Variants in ANTXR2 observed in about 807,000 individuals in gnomAD.
ANTXR2 encodes anthrax toxin receptor 2.
Under a neutral mutation model 73.7 loss-of-function variants are expected in ANTXR2, and 44 were observed. The ratio of observed to expected loss-of-function variants is 0.60; its 90% CI spans 0.47 to 0.77. The LOEUF (loss-of-function observed/expected upper bound fraction) is 0.77, where lower values mean the gene tolerates loss of function less well. Among genes scored for constraint, ANTXR2 ranks in the 30% least tolerant of loss-of-function variants. The pLI is 0.00. For synonymous variants in ANTXR2, 217 were observed against 205.9 expected (o/e 1.05, Z -0.46); for missense variants, 604 against 592.5 (o/e 1.02, Z -0.20).
chr4:79,930,195 A>C (rs1049201832), intron 16 of ANTXR2, among the ~76,000 whole-genome samples: 6 of 152,194 alleles, frequency 3.9e-5, no homozygotes, highest in Admixed American at 3.3e-4. Context: ...TGAAAACAGA[A>C]AAAAGCCTAC....
At chr4:80,037,430 T>G (rs1402888800) in intron 7 of ANTXR2, among the ~76,000 whole-genome samples, 2 of 152,204 alleles carry the variant, frequency 1.3e-5, no homozygotes. Flanking sequence ...TTAAGATAAC[T>G]TTCCAATAAA....
At chr4:79,935,284 G>A (rs1028863423) in intron 16 of ANTXR2, among the ~76,000 whole-genome samples, 1 of 151,358 alleles carries the variant, frequency 6.6e-6, no homozygotes, top group African/African-American at 2.4e-5. Flanking sequence ...CCTCCAGGCT[G>A]GATTTCAGCA....
intron 11 of ANTXR2, among the ~76,000 whole-genome samples, chr4:80,011,353 T>C (rs1731578665): frequency 6.6e-6 from 1 of 152,062 alleles, no homozygotes. Flanking sequence ...TGTCTGTCTA[T>C]CATCTATCTA....
Position 79,906,552 on chromosome 4 carries a change from G to A in ANTXR2, c.*877C>T, listed in dbSNP as rs1376783077. On this transcript the variant is annotated 3_prime_UTR_variant, in exon 17 of 17. Transcript: ENST00000403729. Reference sequence around the variant, plus strand: ...AAATTAAAAGCAAAACAAACTTCTAGGTATGTTTATGGATATTAATGCTTT... The same window carrying A: ...AAATTAAAAGCAAAACAAACTTCTAAGTATGTTTATGGATATTAATGCTTT... 1.3e-5 allele frequency: 2 copies of A among 152,488 alleles called. No homozygotes were observed. Among genetic ancestry groups the A allele is most frequent in the Non-Finnish European group, 2.9e-5 (2 of 68,016 alleles). The allele number at this position is 152,488 out of a possible 1,614,324, so 9.4% of individuals were successfully genotyped here.
intron 12 of ANTXR2, among the ~76,000 whole-genome samples, chr4:80,000,661 T>C (rs569072097): frequency 6.6e-6 from 1 of 152,098 alleles, no homozygotes; most frequent in Admixed American, 6.6e-5. Flanking sequence ...GACAGGATAA[T>C]GTTATAAGAA....
At chr4:80,035,476 G>A (rs146191058) in intron 8 of ANTXR2, among the ~76,000 whole-genome samples, 1 of 152,248 alleles carries the variant, frequency 6.6e-6, no homozygotes, top group Non-Finnish European at 1.5e-5. Flanking sequence ...GTCTGGGCAA[G>A]GATGGCTGGG....
intron 11 of ANTXR2, among the ~76,000 whole-genome samples, chr4:80,013,901 T>C (rs1731714341): frequency 6.6e-6 from 1 of 152,176 alleles, no homozygotes; most frequent in South Asian, 2.1e-4. Context: ...AATTGTAGTA[T>C]TTATTATCCT....
intron 10 of ANTXR2, among the ~76,000 whole-genome samples, chr4:80,029,070 T>G (rs906126074): frequency 6.6e-6 from 1 of 152,120 alleles, no homozygotes; most frequent in South Asian, 2.1e-4. Context: ...AAAATCTAAA[T>G]GAATGATGAT....
chr4:80,037,809 C>T (rs1388737617), intron 7 of ANTXR2, among the ~76,000 whole-genome samples: 2 of 151,986 alleles, frequency 1.3e-5, no homozygotes, highest in Non-Finnish European at 2.9e-5. Flanking sequence ...GAAAAGGTTC[C>T]AACTAACAAA....
intron 16 of ANTXR2, among the ~76,000 whole-genome samples, chr4:79,975,914 C>CTTT (rs528899255): frequency 0.35 from 48,074 of 135,466 alleles, 10,420 homozygotes; most frequent in Non-Finnish European, 0.45. Flanking sequence ...TCAAATTACA[C>CTTT]TTTTTTTTTT....
chr4:80,019,392 C>T (rs1331665967), intron 10 of ANTXR2, among the ~76,000 whole-genome samples: 2 of 152,170 alleles, frequency 1.3e-5, no homozygotes, highest in Admixed American at 1.3e-4. Context: ...GAGTAAGAGT[C>T]ACAGCTTTTG....
At chr4:79,977,842 C>T (rs1320708236) in intron 15 of ANTXR2, 141 bp from the exon 16 acceptor site, 1 of 1,237,560 alleles carries the variant, frequency 8.1e-7, no homozygotes, top group Non-Finnish European at 1.1e-6. Flanking sequence ...GTAATAAAAA[C>T]CTAGAGGTTC....
intron 3 of ANTXR2, among the ~76,000 whole-genome samples, chr4:80,065,365 G>A (rs1734448400): frequency 6.6e-6 from 1 of 152,034 alleles, no homozygotes; most frequent in African/African-American, 2.4e-5. Flanking sequence ...GGCTATTTAT[G>A]TGCATGTGTA....
intron 1 of ANTXR2, 112 bp from the exon 2 acceptor site, chr4:80,071,766 T>C (rs891806491): frequency 4.8e-6 from 4 of 841,770 alleles, no homozygotes; most frequent in Non-Finnish European, 7.7e-6. Context: ...TGGCCTCTTT[T>C]TCAAGCTAAG....
intron 12 of ANTXR2, among the ~76,000 whole-genome samples, chr4:79,992,466 A>G (rs1730517375): frequency 6.6e-6 from 1 of 151,874 alleles, no homozygotes; most frequent in African/African-American, 2.4e-5. Flanking sequence ...CAAAGCCATT[A>G]TTTCTACTTA....
intron 3 of ANTXR2, among the ~76,000 whole-genome samples, chr4:80,064,312 T>C (rs867569338): frequency 1.3e-5 from 2 of 152,052 alleles, no homozygotes; most frequent in Admixed American, 6.6e-5. Context: ...ATAAGAAAAA[T>C]AGCAAATATA....
At chr4:79,958,821 CTGTT>C (rs960637992) in intron 16 of ANTXR2, among the ~76,000 whole-genome samples, 2 of 152,090 alleles carry the variant, frequency 1.3e-5, no homozygotes, top group African/African-American at 4.8e-5. Context: ...TCTCTTCTCA[CTGTT>C]TGTTGAGAAG....
rs532259898 is a variant in ANTXR2 at position 80,022,753 on chromosome 4, G to A, written c.867-3777C>T. ...TTTACTTAGTTGCAAACATATATGG[G>A]AAGCAAGAGAGCAGTTCATTTTTAT... On this transcript the variant is annotated intron_variant, in intron 10 of 16. Coordinates refer to ENST00000403729, the MANE Select transcript of ANTXR2 (RefSeq NM_058172.6). Among the ~76,000 whole-genome samples the A allele has an allele frequency of 2.6e-5, 4 of 152,228 alleles. No individual in the cohort carries two copies. The East Asian group carries it at 7.7e-4, about 29-fold the overall frequency.
rs1379289263 is a variant in ANTXR2, at chr4:79,993,325, G to C, written c.1042-8462C>G. Among the ~76,000 whole-genome samples the C allele has an allele frequency of 1.3e-5, 2 of 151,276 alleles. 1 individual carries two copies. The highest frequency in any genetic ancestry group is 4.2e-4 in the South Asian group (2 of 4,796). On this transcript the variant is annotated intron_variant, in intron 12 of 16. Coordinates refer to ENST00000403729, the MANE Select transcript of ANTXR2 (RefSeq NM_058172.6). ...TAGGAGGAAAAAAAGAAGGAAAAAAGGGAGAGAAGAGAGGAAGAAACAAAT... is the reference window on the plus strand; with the variant it reads ...TAGGAGGAAAAAAAGAAGGAAAAAACGGAGAGAAGAGAGGAAGAAACAAAT...
Sources: gnomAD v4.1 joint callset for allele counts (sites outside exome capture counted in the v4.1 genomes callset) on GRCh38, gnomAD v4.1.1 for gene constraint, MANE v1.5 for transcripts, NCBI Gene and HGNC (gene_info 2026-07-23, HGNC 2026-07-21) for gene names.